CFDP1: variants seen among roughly 807,000 people sequenced by gnomAD.
CFDP1 encodes the protein heterochromatin-stabilizing protein CFDP1.
Under a neutral mutation model 40.1 loss-of-function variants are expected in CFDP1, and 31 were observed. The observed-to-expected ratio is 0.77, with a 90% CI of 0.58 to 1.04. The LOEUF (loss-of-function observed/expected upper bound fraction) is 1.04. Among genes scored for constraint, CFDP1 ranks in the 50% least tolerant of loss-of-function variants. The pLI, the probability that CFDP1 is intolerant of heterozygous loss-of-function variation, is 0.00. For synonymous variants in CFDP1, 167 were observed against 120.0 expected (o/e 1.39, Z -2.56); for missense variants, 423 against 343.4 (o/e 1.23, Z -1.83).
At chr16:75,393,373 C>A (rs552106513) in intron 5 of CFDP1, among the ~76,000 whole-genome samples, 1 of 152,224 alleles carries the variant, frequency 6.6e-6, no homozygotes. Context: ...TGGGTAAATG[C>A]AACCTAAGAG....
chr16:75,403,226 T>G (rs1304435235), intron 4 of CFDP1, among the ~76,000 whole-genome samples: 1 of 152,174 alleles, frequency 6.6e-6, no homozygotes, highest in Non-Finnish European at 1.5e-5. Flanking sequence ...CGAAAATTTA[T>G]GACTTTTTTT....
intron 5 of CFDP1, among the ~76,000 whole-genome samples, chr16:75,342,958 T>C (rs2078536668): frequency 6.6e-6 from 1 of 152,130 alleles, no homozygotes; most frequent in African/African-American, 2.4e-5. Context: ...GAGTCTGCCC[T>C]AGGTGAGATG....
chr16:75,422,827 C>T (rs941942689), intron 1 of CFDP1, among the ~76,000 whole-genome samples: 5 of 151,544 alleles, frequency 3.3e-5, no homozygotes, highest in African/African-American at 1.2e-4. Context: ...GCCTGGGTGA[C>T]GGAGCAAAAC....
intron 5 of CFDP1, among the ~76,000 whole-genome samples, chr16:75,348,146 CACTT>C (rs2078583142): frequency 1.3e-5 from 2 of 152,284 alleles, no homozygotes; most frequent in South Asian, 2.1e-4. Flanking sequence ...GACAAGGTCT[CACTT>C]ACTATGTTGC....
At chr16:75,316,662 T>TA (rs1215677494) in intron 5 of CFDP1, among the ~76,000 whole-genome samples, 13 of 148,034 alleles carry the variant, frequency 8.8e-5, no homozygotes, top group Non-Finnish European at 7.4e-5. Flanking sequence ...GCTCTAGCTG[T>TA]AAAAAAGTCT....
intron 5 of CFDP1, among the ~76,000 whole-genome samples, chr16:75,317,793 G>A (rs2078333478): frequency 6.6e-6 from 1 of 152,094 alleles, no homozygotes; most frequent in South Asian, 2.1e-4. Flanking sequence ...AAAAGCTGAG[G>A]CAGAGTCAGC....
At chr16:75,379,071 T>G (rs891072970) in intron 5 of CFDP1, among the ~76,000 whole-genome samples, 2 of 136,716 alleles carry the variant, frequency 1.5e-5, no homozygotes, top group African/African-American at 5.1e-5. Context: ...TATCAAAAAT[T>G]GTTGAATATA....
intron 5 of CFDP1, chr16:75,362,875 C>A (rs1251084456): frequency 6.6e-6 from 1 of 152,080 alleles, no homozygotes; most frequent in African/African-American, 2.4e-5. Flanking sequence ...ATGTACAGAC[C>A]TCAATGGCTG....
chr16:75,423,588 C>G (rs529245578), intron 1 of CFDP1, among the ~76,000 whole-genome samples: 56 of 152,188 alleles, frequency 3.7e-4, no homozygotes, highest in African/African-American at 1.1e-3. Flanking sequence ...GATCTCCGCT[C>G]ACTGCAACCT....
intron 4 of CFDP1, 83 bp downstream of exon 4, chr16:75,411,742 A>C: frequency 7.6e-7 from 1 of 1,316,502 alleles, no homozygotes; most frequent in Non-Finnish European, 1.1e-6. Context: ...TGGATTGAAA[A>C]GAGGATAGAT....
chr16:75,404,752 G>A (rs922480353), intron 4 of CFDP1, among the ~76,000 whole-genome samples: 2 of 150,728 alleles, frequency 1.3e-5, no homozygotes, highest in African/African-American at 4.9e-5. Flanking sequence ...GAAAAGGCAT[G>A]AAAAACAGTT....
At chr16:75,391,391 T>TA (rs1315373587) in intron 5 of CFDP1, 1 of 152,232 alleles carries the variant, frequency 6.6e-6, no homozygotes, top group Non-Finnish European at 1.5e-5. Context: ...TGGCAACTCT[T>TA]AATCACCTGC....
chr16:75,297,146 T>TGCGTGTGTGTGTGTGTGTGTG (rs1491503380), intron 6 of CFDP1, among the ~76,000 whole-genome samples: 1 of 132,988 alleles, frequency 7.5e-6, no homozygotes, highest in South Asian at 2.6e-4. Flanking sequence ...TTCCCATTTC[T>TGCGTGTGTGTGTGTGTGTGTG]TGTGTGTGTG....
chr16:75,370,032 C>T (rs2151538945), intron 5 of CFDP1, among the ~76,000 whole-genome samples: 1 of 152,000 alleles, frequency 6.6e-6, no homozygotes, highest in South Asian at 2.1e-4. Context: ...CCTCGGCTCT[C>T]AAAGTGTTGG....
At chr16:75,381,270 C>T (rs1208143853) in intron 5 of CFDP1, 1 of 151,842 alleles carries the variant, frequency 6.6e-6, no homozygotes, top group Non-Finnish European at 1.5e-5. Flanking sequence ...TGGAGACCAG[C>T]CTGGGTAACA....
At chr16:75,422,417 T>G (rs75698300) in intron 1 of CFDP1, among the ~76,000 whole-genome samples, 1 of 134,192 alleles carries the variant, frequency 7.5e-6, no homozygotes, top group Non-Finnish European at 1.6e-5. Context: ...TTTTTTTTTT[T>G]GAGACAGAGT....
intron 5 of CFDP1, among the ~76,000 whole-genome samples, chr16:75,328,613 A>C (rs891747351): frequency 1.3e-5 from 2 of 149,856 alleles, no homozygotes; most frequent in African/African-American, 4.9e-5. Flanking sequence ...AAAAAAAAAA[A>C]AAAAAAAAAA....
intron 5 of CFDP1, among the ~76,000 whole-genome samples, chr16:75,377,818 C>T (rs1207692708): frequency 3.3e-5 from 5 of 152,168 alleles, no homozygotes; most frequent in Non-Finnish European, 7.3e-5. Flanking sequence ...TGCAGTTGCC[C>T]CAAACTGCTT....
At chr16:75,317,654 C>T (rs1159443224) in intron 5 of CFDP1, among the ~76,000 whole-genome samples, 2 of 152,304 alleles carry the variant, frequency 1.3e-5, no homozygotes, top group East Asian at 1.9e-4. Flanking sequence ...TTATTAAATA[C>T]AGCTTCTAAC....
Sources: allele counts gnomAD v4.1 joint callset (sites outside exome capture counted in the v4.1 genomes callset), GRCh38; gene constraint gnomAD v4.1.1; transcripts MANE v1.5; gene names NCBI Gene and HGNC (gene_info 2026-07-23, HGNC 2026-07-21).